Variants in MGAT5 observed in about 807,000 individuals in gnomAD.
MGAT5 encodes the protein alpha-1,6-mannosylglycoprotein 6-beta-N-acetylglucosaminyltransferase A.
MGAT5 carries 30 observed loss-of-function variants against 94.3 expected under a neutral mutation model. The ratio of observed to expected loss-of-function variants is 0.32; its 90% CI spans 0.24 to 0.43. MGAT5 has a LOEUF of 0.43. MGAT5 is among the 20% of genes least tolerant of loss of function. The pLI, the probability that MGAT5 is intolerant of heterozygous loss-of-function variation, is 1.00. For missense variants in MGAT5, 691 were observed against 905.5 expected (o/e 0.76, Z 3.04); for synonymous variants, 310 against 322.9 (o/e 0.96, Z 0.43).
intron 1 of MGAT5, among the ~76,000 whole-genome samples, chr2:134,257,176 C>T (rs1322480335): frequency 1.3e-5 from 2 of 152,158 alleles, no homozygotes; most frequent in South Asian, 2.1e-4. Flanking sequence ...AAGCCACAAA[C>T]GCTATCTGAC....
chr2:134,122,203 C>T (rs952041066), intron 1 of MGAT5, among the ~76,000 whole-genome samples: 2 of 151,948 alleles, frequency 1.3e-5, no homozygotes, highest in African/African-American at 4.8e-5. Flanking sequence ...TTTCCGGGTT[C>T]AAGAGATTCT....
At chr2:134,141,826 C>T (rs1026586491) in intron 1 of MGAT5, among the ~76,000 whole-genome samples, 3 of 152,210 alleles carry the variant, frequency 2.0e-5, no homozygotes, top group African/African-American at 7.2e-5. Context: ...GCAGGAGCTG[C>T]TGGGGATGGG....
At chr2:134,152,272 C>T (rs1174648564) in intron 1 of MGAT5, among the ~76,000 whole-genome samples, 4 of 134,042 alleles carry the variant, frequency 3.0e-5, no homozygotes, top group Non-Finnish European at 4.5e-5. Context: ...TGGGACCTCA[C>T]GCCCTATGGG....
intron 1 of MGAT5, among the ~76,000 whole-genome samples, chr2:134,192,801 A>G (rs1044648284): frequency 2.1e-4 from 32 of 152,148 alleles, no homozygotes; most frequent in African/African-American, 5.8e-4. Flanking sequence ...AATATTTATC[A>G]TGGGAAAATG....
chr2:134,131,713 C>G (rs948632581), intron 1 of MGAT5, among the ~76,000 whole-genome samples: 3 of 151,458 alleles, frequency 2.0e-5, no homozygotes, highest in Non-Finnish European at 4.4e-5. Flanking sequence ...CCACCCTGGT[C>G]CCCCGCCCCC....
At chr2:134,331,057 T>A (rs771565477) in intron 4 of MGAT5, among the ~76,000 whole-genome samples, 5 of 152,098 alleles carry the variant, frequency 3.3e-5, no homozygotes, top group Non-Finnish European at 7.4e-5. Context: ...TGCCAGCAAC[T>A]TTTTTCCCCT....
rs149733032 is a variant in MGAT5, at chr2:134,403,088, A to G, written c.1481A>G (p.His494Arg). ...TKNIPSYVKN[H>R]GILSGRDLQF... ...AATATTCCCAGTTACGTGAAAAACCATGGTATCCTCAGTGGACGGGACCTG... is the reference window on the plus strand; with the variant it reads ...AATATTCCCAGTTACGTGAAAAACCGTGGTATCCTCAGTGGACGGGACCTG... Residue 494 changes from histidine (H) to arginine (R), a missense_variant, in exon 11 of 16, where the codon CAT (histidine) becomes CGT (arginine). Around this residue, in one of 4 missense-constraint regions of MGAT5, gnomAD observed 260 missense variants for 347.0 expected, o/e 0.75. Coordinates refer to ENST00000281923, the MANE Select transcript of MGAT5 (RefSeq NM_002410.5). The G allele has an allele frequency of 1.2e-5, 19 of 1,611,784 alleles. No homozygotes were observed. The highest frequency in any genetic ancestry group is 1.4e-5 in the Non-Finnish European group (17 of 1,179,642).
intron 2 of MGAT5, among the ~76,000 whole-genome samples, chr2:134,291,706 G>A (rs1033585123): frequency 2.0e-5 from 3 of 152,176 alleles, no homozygotes; most frequent in Non-Finnish European, 4.4e-5. Context: ...CAGGTTGAGA[G>A]CCCTGTAAGG....
intron 2 of MGAT5, among the ~76,000 whole-genome samples, chr2:134,275,608 C>T (rs1684311925): frequency 9.5e-6 from 1 of 104,872 alleles, no homozygotes; most frequent in Admixed American, 1.3e-4. Flanking sequence ...TTTTTTGAGA[C>T]AGTCTCGCTC....
intron 10 of MGAT5, among the ~76,000 whole-genome samples, chr2:134,381,636 C>G (rs77390833): frequency 0.012 from 1,770 of 152,022 alleles, 33 homozygotes; most frequent in African/African-American, 0.04. Context: ...GAGAGATTAG[C>G]CAGAGAGAGA....
At chr2:134,364,532 A>G (rs983926205) in intron 10 of MGAT5, among the ~76,000 whole-genome samples, 6 of 151,884 alleles carry the variant, frequency 4.0e-5, no homozygotes, top group Non-Finnish European at 7.4e-5. Flanking sequence ...ACCATTAACC[A>G]TGTTGCTCAA....
At chr2:134,312,137 C>T (rs1686712788) in intron 2 of MGAT5, among the ~76,000 whole-genome samples, 1 of 152,172 alleles carries the variant, frequency 6.6e-6, no homozygotes, top group South Asian at 2.1e-4. Flanking sequence ...GTAGTTCCAG[C>T]TACTTGGGAG....
At chr2:134,330,909 A>G (rs376494397) in intron 4 of MGAT5, among the ~76,000 whole-genome samples, 1 of 152,208 alleles carries the variant, frequency 6.6e-6, no homozygotes. Flanking sequence ...TTTCAAAAGA[A>G]TAGAACATTA....
rs553264166 is a variant in MGAT5, at chr2:134,453,252, C to G, written c.*4405C>G. On this transcript the variant is annotated 3_prime_UTR_variant, in exon 16 of 16. Transcript: ENST00000281923. Reference sequence around the variant, plus strand: ...AGAGTAGCCCAGTTCTCGGCCTACCCTGCTGGTTGGGATCTTACTGTATTC... The same window carrying G: ...AGAGTAGCCCAGTTCTCGGCCTACCGTGCTGGTTGGGATCTTACTGTATTC... 6.6e-6 allele frequency: 1 copy of G among 152,308 alleles called. No homozygotes were observed. Among genetic ancestry groups the G allele is most frequent in the African/African-American group, 2.4e-5 (1 of 41,562 alleles). 9.4% of individuals were successfully genotyped at this position (152,308 alleles called of 1,614,324 possible). A position where few individuals can be genotyped will look rare whatever the true frequency, so the allele number is the denominator to read the frequency against.
intron 10 of MGAT5, among the ~76,000 whole-genome samples, chr2:134,398,744 T>TAA (rs11464801): frequency 6.6e-6 from 1 of 151,900 alleles, no homozygotes; most frequent in Non-Finnish European, 1.5e-5. Flanking sequence ...TTCGGCCATT[T>TAA]AAAAAAATGG....
At chr2:134,378,859 A>G (rs1228522815) in intron 10 of MGAT5, among the ~76,000 whole-genome samples, 1 of 152,066 alleles carries the variant, frequency 6.6e-6, no homozygotes, top group Admixed American at 6.6e-5. Flanking sequence ...CAGGTGATGC[A>G]CCTGCCTCAG....
At chr2:134,288,945 T>G (rs1685180201) in intron 2 of MGAT5, among the ~76,000 whole-genome samples, 1 of 152,210 alleles carries the variant, frequency 6.6e-6, no homozygotes, top group African/African-American at 2.4e-5. Context: ...ACACATTACA[T>G]TAAAAAACAA....
intron 1 of MGAT5, among the ~76,000 whole-genome samples, chr2:134,205,801 C>T (rs922240162): frequency 6.6e-6 from 1 of 152,138 alleles, no homozygotes; most frequent in Non-Finnish European, 1.5e-5. Flanking sequence ...GGTGTCCCAA[C>T]AAGGTGAGTT....
At chr2:134,291,912 T>C (rs1197324476) in intron 2 of MGAT5, among the ~76,000 whole-genome samples, 8 of 152,160 alleles carry the variant, frequency 5.3e-5, no homozygotes, top group Non-Finnish European at 1.2e-4. Context: ...ATATCGGCAG[T>C]CATAGAATCT....
Sources: gnomAD v4.1 joint callset for allele counts (sites outside exome capture counted in the v4.1 genomes callset) on GRCh38, gnomAD v4.1.1 for gene constraint, gnomAD v4.1.1 regional missense constraint, MANE v1.5 for transcripts, NCBI Gene and HGNC (gene_info 2026-07-23, HGNC 2026-07-21) for gene names.